FBXO7: variants seen among roughly 807,000 people sequenced by gnomAD.
The protein encoded by FBXO7 is F-box protein 7.
FBXO7 carries 31 observed loss-of-function variants against 50.2 expected under a neutral mutation model. The ratio of observed to expected loss-of-function variants is 0.62; its 90% CI spans 0.46 to 0.83. The LOEUF is 0.83. Among genes scored for constraint, FBXO7 ranks in the 40% least tolerant of loss-of-function variants. The pLI is 0.00. For missense variants in FBXO7, 667 were observed against 646.6 expected (o/e 1.03, Z -0.34); for synonymous variants, 256 against 253.1 (o/e 1.01, Z -0.11).
intron 5 of FBXO7, chr22:32,488,052 G>A: frequency 2.1e-6 from 1 of 472,408 alleles, no homozygotes; most frequent in Non-Finnish European, 3.8e-6. Flanking sequence ...GTCATAGTGT[G>A]CTGAATTATA....
rs757531730 is a variant in FBXO7, at chr22:32,498,560, A to G, written c.*30A>G. ...TTTGTAATTTCATTTCTGGAGCTCC[A>G]TTTGTTTTTGTTTCTAAACTACAGA... On this transcript the variant is annotated 3_prime_UTR_variant, in exon 9 of 9. Transcript: ENST00000266087. The G allele has an allele frequency of 8.7e-6, 14 of 1,601,680 alleles. No homozygotes were observed. The South Asian group carries it at 1.2e-4, about 14-fold the overall frequency.
intron 4 of FBXO7, among the ~76,000 whole-genome samples, chr22:32,485,964 TAGAA>T (rs1308706662): frequency 6.6e-6 from 1 of 152,208 alleles, no homozygotes; most frequent in East Asian, 1.9e-4. Context: ...TCCTTTTAGT[TAGAA>T]AGATAGCGTG....
At chr22:32,479,826 G>A (rs984658605) in intron 2 of FBXO7, among the ~76,000 whole-genome samples, 60 of 152,140 alleles carry the variant, frequency 3.9e-4, no homozygotes, top group African/African-American at 1.3e-3. Flanking sequence ...GTTATTCCTT[G>A]ACTTCTATTA....
chr22:32,485,339 C>T, intron 4 of FBXO7, 130 bp downstream of exon 4: 3 of 1,165,430 alleles, frequency 2.6e-6, no homozygotes, highest in Non-Finnish European at 3.8e-6. Context: ...GTATTTAATT[C>T]CTAGGCCACT....
At chr22:32,480,973 G>A (rs941672533) in intron 2 of FBXO7, among the ~76,000 whole-genome samples, 4 of 151,968 alleles carry the variant, frequency 2.6e-5, no homozygotes, top group East Asian at 3.9e-4. Context: ...GCCTTTATCC[G>A]CCCTTTTAAT....
intron 1 of FBXO7, 86 bp from the exon 2 acceptor site, chr22:32,478,895 C>T (rs2057445215): frequency 1.6e-6 from 2 of 1,242,956 alleles, no homozygotes; most frequent in African/African-American, 1.5e-5. Flanking sequence ...TAGGGTCATA[C>T]TGTGTACTTA....
chr22:32,498,182 G>A lies in FBXO7; in HGVS notation c.1221G>A (p.Pro407=), dbSNP rs201127594. The A allele has an allele frequency of 2.3e-5, 37 of 1,614,098 alleles. No individual in the cohort carries two copies. In the Admixed American group the frequency reaches 3.0e-4, roughly 13 times the overall value. ...GGCACATACAAAGAAAAGAATCCCCGAAAGGGCGGTTTGTGATGCTCCTGC... is the reference window on the plus strand; with the variant it reads ...GGCACATACAAAGAAAAGAATCCCCAAAAGGGCGGTTTGTGATGCTCCTGC... ...RKRHIQRKES[P]KGRFVMLLPS... is the part of the protein sequence containing the mutation. The change falls in exon 9 of 9, where the codon CCG becomes CCA. Residue 407 remains proline, a synonymous_variant. Transcript: ENST00000266087.
In FBXO7 at chr22:32,497,933, C is replaced by T. The variant is rs5754116; in HGVS notation, c.1183-211C>T. Among the ~76,000 whole-genome samples, 47,556 of 152,120 alleles carry T rather than the reference C, an allele frequency of 0.31. 7,926 individuals carry two copies. Among genetic ancestry groups the T allele is most frequent in the East Asian group, 0.61 (3,167 of 5,168 alleles). On this transcript the variant is annotated intron_variant, in intron 8 of 8. Coordinates refer to ENST00000266087, the MANE Select transcript of FBXO7 (RefSeq NM_012179.4). ...TTTTTAGATACAATGCTATTGCACACTTACTATAGTGTAAACATAGCATAG... is the reference window on the plus strand; with the variant it reads ...TTTTTAGATACAATGCTATTGCACATTTACTATAGTGTAAACATAGCATAG...
intron 6 of FBXO7, 177 bp downstream of exon 6, chr22:32,491,358 T>C (rs911376100): frequency 5.3e-6 from 3 of 566,608 alleles, no homozygotes; most frequent in Admixed American, 3.3e-5. Context: ...TGTATCTCCA[T>C]GCCATTTTGT....
At chr22:32,476,081 C>G (rs1228895756) in intron 1 of FBXO7, 1 of 152,102 alleles carries the variant, frequency 6.6e-6, no homozygotes, top group Non-Finnish European at 1.5e-5. Context: ...GCAAACCTTC[C>G]TACGTTTTCA....
At chr22:32,487,897 GAT>G in intron 5 of FBXO7, 69 bp downstream of exon 5, 1 of 984,750 alleles carries the variant, frequency 1.0e-6, no homozygotes. Context: ...AAATCTGAAA[GAT>G]AATGTTCAAA....
In FBXO7 at chr22:32,491,157, C is replaced by T. The variant is rs2057532620; in HGVS notation, c.943C>T (p.Pro315Ser). The change falls in exon 6 of 9, where the codon CCT (proline) becomes TCT (serine). Residue 315 changes from proline (P) to serine (S), a missense_variant. Physicochemically the swap from Pro to Ser is moderately conservative, Grantham distance 74 (BLOSUM62 -1). Coordinates refer to ENST00000266087, the MANE Select transcript of FBXO7 (RefSeq NM_012179.4). ...CCTCTTTAAAGACCAGCTGGTGTATCCTCTTCTGGCTTTTACCCGACAAGG... is the reference window on the plus strand; with the variant it reads ...CCTCTTTAAAGACCAGCTGGTGTATTCTCTTCTGGCTTTTACCCGACAAGG... ...SRLFKDQLVYPLLAFTRQALN... is the reference protein window; with the variant it reads ...SRLFKDQLVYSLLAFTRQALN... 7.4e-6 allele frequency: 12 copies of T among 1,611,790 alleles called. No homozygotes were observed. The highest frequency in any genetic ancestry group is 1.0e-5 in the Non-Finnish European group (12 of 1,178,146).
rs554121940 is a variant in FBXO7 at position 32,480,972 on chromosome 22, C to T, written c.417+1697C>T. 7.9e-5 allele frequency among the ~76,000 whole-genome samples: 12 copies of T among 152,142 alleles called. No individual in the cohort carries two copies. In the East Asian group the frequency reaches 1.7e-3, roughly 22 times the overall value. Reference sequence around the variant, plus strand: ...TGAGCCACCGTGCCTGGCCTTTATCCGCCCTTTTAATTTTTTGAATGGTGC... The same window carrying T: ...TGAGCCACCGTGCCTGGCCTTTATCTGCCCTTTTAATTTTTTGAATGGTGC... On this transcript the variant is annotated intron_variant, in intron 2 of 8. Coordinates refer to ENST00000266087, the MANE Select transcript of FBXO7 (RefSeq NM_012179.4).
Position 32,484,038 on chromosome 22 carries a change from T to C in FBXO7, c.559T>C (p.Tyr187His). The C allele has an allele frequency of 4.3e-6, 7 of 1,614,202 alleles. No individual in the cohort carries two copies. Among genetic ancestry groups the C allele is most frequent in the Non-Finnish European group, 5.1e-6 (6 of 1,180,016 alleles). ...GQVPHSLETLYQSADCSDAND... is the reference protein window; with the variant it reads ...GQVPHSLETLHQSADCSDAND... ...AGTGCCACATTCATTAGAGACCTTG[T>C]ATCAATCAGCTGACTGTTCTGATGC... The change falls in exon 3 of 9, where the codon TAT (tyrosine) becomes CAT (histidine). Residue 187 changes from tyrosine (Y) to histidine (H), a missense_variant. Tyr to His is a moderately conservative substitution (Grantham distance 83). Coordinates refer to ENST00000266087, the MANE Select transcript of FBXO7 (RefSeq NM_012179.4).
At chr22:32,477,652 C>T (rs1473258487) in intron 1 of FBXO7, among the ~76,000 whole-genome samples, 3 of 152,144 alleles carry the variant, frequency 2.0e-5, no homozygotes, top group East Asian at 1.9e-4. Context: ...TATACTCAGT[C>T]ATATACATAA....
At chr22:32,493,605 A>G (rs1372128923) in intron 7 of FBXO7, among the ~76,000 whole-genome samples, 3 of 152,220 alleles carry the variant, frequency 2.0e-5, no homozygotes, top group Non-Finnish European at 4.4e-5. Flanking sequence ...AACTGCTTTC[A>G]TGGTTGAGAC....
rs1293749684 is a variant in FBXO7, at chr22:32,493,244, A to G, written c.1107A>G (p.Pro369=). Residue 369 remains proline, a synonymous_variant, in exon 7 of 9, where the codon CCA becomes CCG. Coordinates refer to ENST00000266087, the MANE Select transcript of FBXO7 (RefSeq NM_012179.4). The part of the protein sequence containing the change: ...CRDLFTASND[P]LLWRFLYLRD... ...ACCTCTTTACTGCTTCAAATGACCC[A>G]CTCCTGTGGAGGTTTTTATATCTGC... 2 of 1,613,628 alleles carry G rather than the reference A, an allele frequency of 1.2e-6. No homozygotes were observed. The highest frequency in any genetic ancestry group is 8.5e-7 in the Non-Finnish European group (1 of 1,179,894).
chr22:32,491,558 GAC>G (rs1402794233), intron 6 of FBXO7: 5 of 110,174 alleles, frequency 4.5e-5, no homozygotes, highest in East Asian at 2.7e-4. Flanking sequence ...TGTCTATATA[GAC>G]ATATATTTAG....
At chr22:32,498,008 G>C (rs968880438) in intron 8 of FBXO7, 136 bp from the exon 9 acceptor site, 8 of 951,838 alleles carry the variant, frequency 8.4e-6, no homozygotes, top group Non-Finnish European at 1.3e-5. Context: ...TTGGTTTATT[G>C]CATTGGTTTG....
Sources: gnomAD v4.1 joint callset for allele counts (sites outside exome capture counted in the v4.1 genomes callset) on GRCh38, gnomAD v4.1.1 for gene constraint, MANE v1.5 for transcripts, NCBI Gene and HGNC (gene_info 2026-07-23, HGNC 2026-07-21) for gene names.